MYO18B: variants seen among roughly 807,000 people sequenced by gnomAD.
MYO18B encodes the protein myosin XVIIIB.
MYO18B carries 204 observed loss-of-function variants against 273.0 expected under a neutral mutation model. That is an observed-to-expected ratio of 0.75 (90% CI 0.67 to 0.84). MYO18B has a LOEUF of 0.84. Ranked by LOEUF, MYO18B falls within the 40% of genes least tolerant of loss-of-function variation. The probability of loss-of-function intolerance (pLI) is 0.00; values close to 1 mark genes in which losing one functional copy is unlikely to be tolerated. For missense variants in MYO18B, 3,212 were observed against 3,287.6 expected, an observed-to-expected ratio of 0.98 and a Z score of 0.56; for synonymous variants, 1,330 against 1,305.7, an observed-to-expected ratio of 1.02 and a Z score of -0.40.
At chr22:25,777,253 G>T (rs778941469) in intron 7 of MYO18B, among the ~76,000 whole-genome samples, 3 of 152,178 alleles carry the variant, frequency 2.0e-5, no homozygotes, top group African/African-American at 7.2e-5. Flanking sequence ...CAGCTGCCTC[G>T]CTTCAGGCAG....
At chr22:25,793,689 C>T (rs973321626) in intron 11 of MYO18B, among the ~76,000 whole-genome samples, 2 of 152,156 alleles carry the variant, frequency 1.3e-5, no homozygotes, top group Non-Finnish European at 2.9e-5. Flanking sequence ...GTAGGAATCT[C>T]CTGGGCGCTC....
chr22:25,925,662 T>G (rs2092409011), intron 34 of MYO18B, among the ~76,000 whole-genome samples: 1 of 152,008 alleles, frequency 6.6e-6, no homozygotes, highest in South Asian at 2.1e-4. Flanking sequence ...CCCAGCACTT[T>G]GGGAGGCTGA....
chr22:26,009,868 C>T (rs1474772286), intron 42 of MYO18B, among the ~76,000 whole-genome samples: 1 of 152,150 alleles, frequency 6.6e-6, no homozygotes. Context: ...CAGCAGGTGA[C>T]CCCCAAATAC....
the MYO18B span, among the ~76,000 whole-genome samples, chr22:26,040,090 A>C: frequency 2.6e-5 from 4 of 152,312 alleles, no homozygotes; most frequent in East Asian, 5.8e-4. Flanking sequence ...CTTAGCTCCC[A>C]CTTATAAATG....
intron 9 of MYO18B, 69 bp downstream of exon 9, chr22:25,780,267 A>G: frequency 2.0e-6 from 3 of 1,514,564 alleles, no homozygotes; most frequent in Non-Finnish European, 2.7e-6. Flanking sequence ...GGGACTCAGC[A>G]GAGCCCACGC....
In MYO18B at chr22:25,895,924, GT is replaced by G. The variant is rs74267232; in HGVS notation, c.4668+657del. On this transcript the variant is annotated intron_variant, in intron 28 of 43. Transcript: ENST00000335473. The stretch of plus-strand genomic sequence containing the variant: ...TCACAGGTGTTCTGCATTGTGGAAT[GT>G]TTTTTTTTTTTTCCGCTCCCAGTGA... Among the ~76,000 whole-genome samples the G allele has an allele frequency of 4.0e-3, 560 of 141,188 alleles. 3 individuals carry two copies. The highest frequency in any genetic ancestry group is 0.015 in the Middle Eastern group (4 of 266). 92.6% of individuals were successfully genotyped at this position (141,188 alleles called of 152,430 possible). A position where few individuals can be genotyped will look rare whatever the true frequency, so the allele number is the denominator to read the frequency against.
rs375802791 is a variant in MYO18B, at chr22:25,789,617, C to T, written c.2376+4126C>T. ...CACCACTGCACCCCAGCCTAAGTGA[C>T]AGAGCGAGACTGTCTCAAGAAAAAA... On this transcript the variant is annotated intron_variant, in intron 11 of 43. Transcript: ENST00000335473. 6.5e-4 allele frequency among the ~76,000 whole-genome samples: 85 copies of T among 130,030 alleles called. No individual in the cohort carries two copies. The East Asian group carries it at 0.016, about 24-fold the overall frequency. The allele number at this position is 130,030 out of a possible 152,430, so 85.3% of individuals were successfully genotyped here. A position where few individuals can be genotyped will look rare whatever the true frequency, so the allele number is the denominator to read the frequency against.
At chr22:26,061,208 A>T in the MYO18B span, among the ~76,000 whole-genome samples, 1 of 152,300 alleles carries the variant, frequency 6.6e-6, no homozygotes, top group East Asian at 1.9e-4. Flanking sequence ...TCTCTGTGAT[A>T]TCCCATGGTT....
intron 40 of MYO18B, among the ~76,000 whole-genome samples, chr22:25,993,974 C>T (rs1932960779): frequency 6.6e-6 from 1 of 152,174 alleles, no homozygotes; most frequent in South Asian, 2.1e-4. Flanking sequence ...ACATCTCTAG[C>T]TCTACTAGTA....
chr22:25,845,236 T>C (rs1027501296), intron 18 of MYO18B, among the ~76,000 whole-genome samples: 4 of 152,150 alleles, frequency 2.6e-5, no homozygotes, highest in Non-Finnish European at 4.4e-5. Flanking sequence ...CTGGCACCCT[T>C]GGCCGGGCGC....
At chr22:25,866,240 G>A (rs922674397) in intron 21 of MYO18B, among the ~76,000 whole-genome samples, 1 of 137,382 alleles carries the variant, frequency 7.3e-6, no homozygotes, top group Admixed American at 7.4e-5. Flanking sequence ...TTTTCAGTGA[G>A]TGAAAGACCA....
chr22:25,846,382 C>CA, intron 19 of MYO18B, 99 bp downstream of exon 19: 1 of 1,335,520 alleles, frequency 7.5e-7, no homozygotes, highest in Non-Finnish European at 1.0e-6. Context: ...CTAACCTCCC[C>CA]AGCAAGGCCA....
chr22:25,931,681 C>CTTTTTTTTTTTTTTTT (rs71311530), intron 34 of MYO18B, among the ~76,000 whole-genome samples: 6 of 123,520 alleles, frequency 4.9e-5, no homozygotes, highest in Non-Finnish European at 6.8e-5. Flanking sequence ...TTTCTTTTTT[C>CTTTTTTTTTTTTTTTT]TTTTTTTTTT....
chr22:25,848,254 T>C (rs370847594), intron 20 of MYO18B, among the ~76,000 whole-genome samples: 11 of 152,136 alleles, frequency 7.2e-5, no homozygotes, highest in African/African-American at 2.7e-4. Context: ...TATGACTTGA[T>C]GAGGGCTCAT....
intron 34 of MYO18B, among the ~76,000 whole-genome samples, chr22:25,932,445 G>A (rs2092519402): frequency 8.0e-6 from 1 of 124,836 alleles, no homozygotes; most frequent in African/African-American, 3.4e-5. Flanking sequence ...TTTTGCTCTT[G>A]TCGCCCAGGC....
chr22:25,834,606 A>G (rs988302221), intron 16 of MYO18B, among the ~76,000 whole-genome samples: 1 of 152,152 alleles, frequency 6.6e-6, no homozygotes, highest in Non-Finnish European at 1.5e-5. Context: ...CATTTCCTCT[A>G]TAACAAGTTG....
At position 25,786,493 on chromosome 22, in the gene MYO18B, A is replaced by AG. The variant is rs925894297; in HGVS notation, c.2376+1002_2376+1003insG. 1.1e-3 allele frequency among the ~76,000 whole-genome samples: 9 copies of AG among 8,224 alleles called. No individual in the cohort carries two copies. The Non-Finnish European group carries it at 0.018, about 16-fold the overall frequency. 5.4% of individuals were successfully genotyped at this position (8,224 alleles called of 152,430 possible). A position where few individuals can be genotyped will look rare whatever the true frequency, so the allele number is the denominator to read the frequency against. On this transcript the variant is annotated intron_variant, in intron 11 of 43. Transcript: ENST00000335473. ...CTGGAATAATTGGATATCCTGGTGC[A>AG]AAAAAAAAAAAAATCCATATTTCAC...
chr22:25,939,645 G>A (rs530235842), intron 34 of MYO18B, among the ~76,000 whole-genome samples: 1 of 152,336 alleles, frequency 6.6e-6, no homozygotes, highest in African/African-American at 2.4e-5. Context: ...GATGTTTGGA[G>A]ATGGATATTT....
At chr22:25,927,362 C>G (rs531854191) in intron 34 of MYO18B, among the ~76,000 whole-genome samples, 2 of 152,250 alleles carry the variant, frequency 1.3e-5, no homozygotes, top group African/African-American at 4.8e-5. Context: ...AACAGCCCCC[C>G]TAGGTGCGCC....
Sources: allele counts gnomAD v4.1 joint callset (sites outside exome capture counted in the v4.1 genomes callset), GRCh38; gene constraint gnomAD v4.1.1; transcripts MANE v1.5; gene names NCBI Gene and HGNC (gene_info 2026-07-23, HGNC 2026-07-21).